Variants in TAFA4 observed in about 807,000 individuals in gnomAD.
TAFA4 encodes chemokine-like protein TAFA-4.
TAFA4 carries 20 observed loss-of-function variants against 21.1 expected under a neutral mutation model. That is an observed-to-expected ratio of 0.95 (90% CI 0.67 to 1.38). The LOEUF is 1.38. Among genes scored for constraint, TAFA4 ranks in the 40% most tolerant of loss-of-function variants. The pLI, the probability that TAFA4 is intolerant of heterozygous loss-of-function variation, is 0.00. For missense variants in TAFA4, 211 were observed against 180.9 expected, an observed-to-expected ratio of 1.17 and a Z score of -0.95; for synonymous variants, 71 against 67.4, an observed-to-expected ratio of 1.05 and a Z score of -0.26.
chr3:68,930,226 C>T (rs1005307521), intron 1 of TAFA4, among the ~76,000 whole-genome samples: 1 of 151,964 alleles, frequency 6.6e-6, no homozygotes, highest in African/African-American at 2.4e-5. Context: ...ATTCAAGTGA[C>T]CTAGGATATT....
At chr3:68,832,473 T>A (rs1310388123) in intron 3 of TAFA4, among the ~76,000 whole-genome samples, 3 of 152,158 alleles carry the variant, frequency 2.0e-5, no homozygotes, top group African/African-American at 7.2e-5. Flanking sequence ...TTGCTGGAGG[T>A]CCACTCCAGA....
At chr3:68,745,964 C>A (rs1702449299) in intron 4 of TAFA4, among the ~76,000 whole-genome samples, 1 of 152,166 alleles carries the variant, frequency 6.6e-6, no homozygotes, top group African/African-American at 2.4e-5. Context: ...AGTTAGTAGA[C>A]AAGGAAAGGC....
chr3:68,780,790 T>C (rs908967365), intron 3 of TAFA4, among the ~76,000 whole-genome samples: 2 of 151,880 alleles, frequency 1.3e-5, no homozygotes, highest in African/African-American at 4.8e-5. Context: ...AGTAAACAAA[T>C]AATCAGCAAC....
chr3:68,883,325 C>T (rs4855346), intron 2 of TAFA4, among the ~76,000 whole-genome samples: 3,422 of 152,332 alleles, frequency 0.022, 100 homozygotes, highest in East Asian at 0.1. Flanking sequence ...GGCCCCTGCA[C>T]GTGCTCCTTC....
rs150416315 is a variant in TAFA4 at position 68,764,504 on chromosome 3, G to A, written c.131-11486C>T. ...AGGCTGAAAAAAGGTGAAATGATTC[G>A]TATTAGGGAGTATCACAGTGGAAAA... On this transcript the variant is annotated intron_variant, in intron 3 of 5. Transcript: ENST00000295569. Among the ~76,000 whole-genome samples the A allele has an allele frequency of 9.5e-4, 145 of 152,262 alleles. 1 individual carries two copies. The highest frequency in any genetic ancestry group is 2.8e-3 in the African/African-American group (118 of 41,562).
intron 4 of TAFA4, among the ~76,000 whole-genome samples, chr3:68,741,678 G>T (rs998087055): frequency 2.6e-5 from 4 of 152,042 alleles, no homozygotes; most frequent in African/African-American, 7.2e-5. Context: ...GTAGTCCCAA[G>T]CTACTTAGGA....
chr3:68,866,940 A>T (rs922083063), intron 3 of TAFA4, among the ~76,000 whole-genome samples: 2 of 151,920 alleles, frequency 1.3e-5, no homozygotes, highest in African/African-American at 4.8e-5. Context: ...AATTACCTCG[A>T]AAGAACAAAT....
chr3:68,809,734 T>C (rs896011813), intron 3 of TAFA4, among the ~76,000 whole-genome samples: 3 of 152,134 alleles, frequency 2.0e-5, no homozygotes, highest in African/African-American at 4.8e-5. Flanking sequence ...TTTTTGTACA[T>C]GGTGTGAGAC....
intron 3 of TAFA4, among the ~76,000 whole-genome samples, chr3:68,832,416 G>A (rs1381891314): frequency 6.6e-6 from 1 of 152,158 alleles, no homozygotes; most frequent in Admixed American, 6.5e-5. Flanking sequence ...CTGTTTGTTA[G>A]TTTTCCTTCT....
chr3:68,818,000 C>T (rs1704026685), intron 3 of TAFA4, among the ~76,000 whole-genome samples: 1 of 152,152 alleles, frequency 6.6e-6, no homozygotes, highest in Non-Finnish European at 1.5e-5. Flanking sequence ...GCAGTGACTA[C>T]TTTCTAGCTA....
intron 1 of TAFA4, among the ~76,000 whole-genome samples, chr3:68,918,022 T>C (rs992625244): frequency 1.3e-5 from 2 of 152,190 alleles, no homozygotes; most frequent in Non-Finnish European, 2.9e-5. Context: ...CAGTACTTTA[T>C]AGCAGGCCAG....
At chr3:68,844,054 C>G (rs1012692293) in intron 3 of TAFA4, among the ~76,000 whole-genome samples, 1 of 152,168 alleles carries the variant, frequency 6.6e-6, no homozygotes, top group African/African-American at 2.4e-5. Context: ...GGAGGAGTCC[C>G]TCTTTTTCTA....
chr3:68,864,064 C>T (rs577337718), intron 3 of TAFA4, among the ~76,000 whole-genome samples: 2 of 151,128 alleles, frequency 1.3e-5, no homozygotes, highest in Non-Finnish European at 2.9e-5. Flanking sequence ...TCTAAGACAC[C>T]GAAAGTAAAA....
rs549676405 is a variant in TAFA4 at position 68,738,371 on chromosome 3, G to A, written c.411+704C>T. ...CAGTGGAATATTTTGAGGTGGACTA[G>A]CTTAGAGGATGTGCATTTTACAAAA... is the stretch of plus-strand genomic sequence containing the variant. On this transcript the variant is annotated intron_variant, in intron 5 of 5. Transcript: ENST00000295569. Among the ~76,000 whole-genome samples the A allele has an allele frequency of 6.4e-4, 98 of 152,274 alleles. 1 individual carries two copies. Among genetic ancestry groups the A allele is most frequent in the Admixed American group, 1.8e-3 (28 of 15,288 alleles).
chr3:68,815,984 C>T (rs1321965465), intron 3 of TAFA4, among the ~76,000 whole-genome samples: 2 of 152,144 alleles, frequency 1.3e-5, no homozygotes, highest in African/African-American at 4.8e-5. Flanking sequence ...ACTATGCAGC[C>T]ATAAAAAAGG....
intron 1 of TAFA4, among the ~76,000 whole-genome samples, chr3:68,927,068 C>T (rs1284412395): frequency 6.6e-6 from 1 of 152,162 alleles, no homozygotes; most frequent in Admixed American, 6.5e-5. Context: ...AAAATGTCTC[C>T]AGACATTGCC....
At chr3:68,745,247 A>G (rs1188523059) in intron 4 of TAFA4, among the ~76,000 whole-genome samples, 1 of 152,212 alleles carries the variant, frequency 6.6e-6, no homozygotes. Context: ...AGCAGGGACA[A>G]AGGACTCAGA....
At chr3:68,885,588 G>T (rs192855823) in intron 1 of TAFA4, among the ~76,000 whole-genome samples, 115 of 152,110 alleles carry the variant, frequency 7.6e-4, no homozygotes, top group Admixed American at 2.4e-3. Context: ...TTTAACAGAG[G>T]GTCCCAAATC....
chr3:68,868,969 C>T (rs1035527680), intron 3 of TAFA4, among the ~76,000 whole-genome samples: 5 of 151,190 alleles, frequency 3.3e-5, no homozygotes, highest in Non-Finnish European at 4.4e-5. Flanking sequence ...AATTGAAAAA[C>T]GTTTAGCTAG....
Sources: allele counts gnomAD v4.1 joint callset (sites outside exome capture counted in the v4.1 genomes callset), GRCh38; gene constraint gnomAD v4.1.1; transcripts MANE v1.5; gene names NCBI Gene and HGNC (gene_info 2026-07-23, HGNC 2026-07-21).